Variants in NKAIN3 observed in about 807,000 individuals in gnomAD.
NKAIN3 encodes the protein sodium/potassium transporting ATPase interacting 3, also known as sodium/potassium-transporting ATPase subunit beta-1-interacting protein 3.
Under a neutral mutation model 30.2 loss-of-function variants are expected in NKAIN3, and 25 were observed. The ratio of observed to expected loss-of-function variants is 0.83; its 90% CI spans 0.60 to 1.16. The LOEUF (loss-of-function observed/expected upper bound fraction) is 1.16. Ranked by LOEUF, NKAIN3 falls within the 50% of genes most tolerant of loss-of-function variation. NKAIN3 has a pLI of 0.00. For missense variants in NKAIN3, 225 were observed against 254.1 expected (o/e 0.89, Z 0.78); for synonymous variants, 91 against 89.6 (o/e 1.02, Z -0.09).
At chr8:62,308,541 A>G (rs17239344) in intron 1 of NKAIN3, among the ~76,000 whole-genome samples, 3,522 of 150,706 alleles carry the variant, frequency 0.023, 69 homozygotes, top group Middle Eastern at 0.037. Context: ...ACAGGAGAAA[A>G]TTTATGGGCA....
chr8:62,816,617 G>T (rs926129679), intron 4 of NKAIN3, among the ~76,000 whole-genome samples: 1 of 152,152 alleles, frequency 6.6e-6, no homozygotes, highest in African/African-American at 2.4e-5. Flanking sequence ...TGGATCACTT[G>T]TGCGATCAGG....
chr8:62,606,378 A>G (rs1811132547), intron 3 of NKAIN3, among the ~76,000 whole-genome samples: 1 of 152,084 alleles, frequency 6.6e-6, no homozygotes, highest in Non-Finnish European at 1.5e-5. Context: ...GCATAAATAG[A>G]CAAATGTGCT....
At chr8:62,926,782 A>C (rs1331438216) in intron 5 of NKAIN3, among the ~76,000 whole-genome samples, 1 of 152,140 alleles carries the variant, frequency 6.6e-6, no homozygotes, top group Non-Finnish European at 1.5e-5. Context: ...CAGGCTCTCT[A>C]TCTGTCAGAT....
At chr8:62,603,319 T>C (rs1460848411) in intron 3 of NKAIN3, among the ~76,000 whole-genome samples, 1 of 152,128 alleles carries the variant, frequency 6.6e-6, no homozygotes, top group African/African-American at 2.4e-5. Flanking sequence ...ATTTAGTTTT[T>C]AAAACCAGAA....
In NKAIN3 at chr8:62,611,284, C is replaced by T. The variant is rs540004263; in HGVS notation, c.273+21490C>T. Among the ~76,000 whole-genome samples the T allele has an allele frequency of 1.2e-4, 18 of 152,172 alleles. No homozygotes were observed. The South Asian group carries it at 3.7e-3, about 32-fold the overall frequency. ...ACAACATGGAAAATGAGGTATCTAT[C>T]TCCTTAAGCATTTATGCTTTGAGTT... On this transcript the variant is annotated intron_variant, in intron 3 of 6. Transcript: ENST00000623646.
chr8:62,568,897 C>T (rs1305308900), intron 1 of NKAIN3, among the ~76,000 whole-genome samples: 1 of 152,180 alleles, frequency 6.6e-6, no homozygotes, highest in Non-Finnish European at 1.5e-5. Flanking sequence ...GTTCAAGGAA[C>T]AACCTAGACA....
chr8:62,647,394 T>G (rs890605127), intron 3 of NKAIN3, among the ~76,000 whole-genome samples: 1 of 152,142 alleles, frequency 6.6e-6, no homozygotes, highest in Non-Finnish European at 1.5e-5. Context: ...GGAAAGCAAT[T>G]ATGAGCAAGG....
chr8:62,803,163 T>C (rs1378908069), intron 4 of NKAIN3, among the ~76,000 whole-genome samples: 1 of 152,074 alleles, frequency 6.6e-6, no homozygotes, highest in Non-Finnish European at 1.5e-5. Flanking sequence ...ACAATAATAA[T>C]GGGAGACTTT....
intron 3 of NKAIN3, among the ~76,000 whole-genome samples, chr8:62,687,312 C>G (rs1043644375): frequency 9.0e-4 from 137 of 152,312 alleles, no homozygotes; most frequent in African/African-American, 3.2e-3. Context: ...AGTCTTCAGG[C>G]TTCAGAACAA....
intron 1 of NKAIN3, among the ~76,000 whole-genome samples, chr8:62,548,737 A>G (rs1374915531): frequency 1.3e-5 from 2 of 151,388 alleles, no homozygotes; most frequent in African/African-American, 4.8e-5. Context: ...GTTTACAATT[A>G]TATGTATGTA....
chr8:62,574,153 T>A (rs1403728584), intron 1 of NKAIN3, among the ~76,000 whole-genome samples: 4 of 152,180 alleles, frequency 2.6e-5, no homozygotes, highest in Non-Finnish European at 5.9e-5. Context: ...CCTGGCTTAT[T>A]TCACTTAACA....
chr8:62,369,723 A>T (rs1816847329), intron 1 of NKAIN3, among the ~76,000 whole-genome samples: 1 of 151,708 alleles, frequency 6.6e-6, no homozygotes, highest in African/African-American at 2.4e-5. Flanking sequence ...CAAATCCATA[A>T]CCATCAGGGG....
chr8:62,761,290 A>G (rs1158577614), intron 4 of NKAIN3, among the ~76,000 whole-genome samples: 1 of 152,142 alleles, frequency 6.6e-6, no homozygotes, highest in Non-Finnish European at 1.5e-5. Context: ...AATTTACTTT[A>G]AATAATGTTC....
rs1823792316 is a variant in NKAIN3 at position 62,969,776 on chromosome 8, T to G, written c.*4369T>G. ...AACCTTTGTTTGATAGAAGGTCTGT[T>G]GAAGTGTCTAAGAACCATGTTGAAA... On this transcript the variant is annotated 3_prime_UTR_variant, in exon 7 of 7. Transcript: ENST00000623646. Among the ~76,000 whole-genome samples, 1 of 152,196 alleles carries G rather than the reference T, an allele frequency of 6.6e-6. No individual in the cohort carries two copies. The highest frequency in any genetic ancestry group is 6.5e-5 in the Admixed American group (1 of 15,270).
At chr8:62,918,325 A>T in intron 4 of NKAIN3, 128 bp from the exon 5 acceptor site, 1 of 701,420 alleles carries the variant, frequency 1.4e-6, no homozygotes, top group Non-Finnish European at 2.5e-6. Context: ...TATCATTTTA[A>T]AAGAGTTTTT....
chr8:62,904,526 GA>G (rs1821719077), intron 4 of NKAIN3, among the ~76,000 whole-genome samples: 1 of 152,144 alleles, frequency 6.6e-6, no homozygotes, highest in Non-Finnish European at 1.5e-5. Flanking sequence ...CAAAAATCTG[GA>G]GAACTTATTG....
At chr8:62,528,308 TATATATATATTATATA>T (rs1451600721) in intron 1 of NKAIN3, among the ~76,000 whole-genome samples, 1 of 76,754 alleles carries the variant, frequency 1.3e-5, no homozygotes, top group African/African-American at 4.4e-5. Context: ...TATTATATTA[TATATATATATTATATA>T]ATATATATAT....
intron 1 of NKAIN3, among the ~76,000 whole-genome samples, chr8:62,266,601 T>G (rs1006089636): frequency 6.6e-6 from 1 of 152,170 alleles, no homozygotes; most frequent in Non-Finnish European, 1.5e-5. Context: ...TGTAGTTGGC[T>G]CCATCTGAGT....
chr8:62,647,983 G>A (rs371194663), intron 3 of NKAIN3, among the ~76,000 whole-genome samples: 5 of 152,056 alleles, frequency 3.3e-5, no homozygotes, highest in African/African-American at 4.8e-5. Flanking sequence ...AGGTAATATC[G>A]TCAAGGCCTA....
Sources: gnomAD v4.1 joint callset for allele counts (sites outside exome capture counted in the v4.1 genomes callset) on GRCh38, gnomAD v4.1.1 for gene constraint, MANE v1.5 for transcripts, NCBI Gene and HGNC (gene_info 2026-07-23, HGNC 2026-07-21) for gene names.